Variants in ROBO2 observed in about 807,000 individuals in gnomAD.
The protein encoded by ROBO2 is roundabout homolog 2.
ROBO2 carries 53 observed loss-of-function variants against 160.8 expected under a neutral mutation model. The observed-to-expected ratio is 0.33, with a 90% CI of 0.26 to 0.41. ROBO2 has a LOEUF of 0.41. Ranked by LOEUF, ROBO2 falls within the 10% of genes least tolerant of loss-of-function variation. The pLI is 1.00. For missense variants in ROBO2, 1,577 were observed against 1,722.4 expected (o/e 0.92, Z 1.49); for synonymous variants, 664 against 611.7 (o/e 1.09, Z -1.26).
chr3:77,022,698 G>A lies in ROBO2; in HGVS notation c.110-75316G>A, dbSNP rs140375195. Among the ~76,000 whole-genome samples, 39 of 152,188 alleles carry A rather than the reference G, an allele frequency of 2.6e-4. No individual in the cohort carries two copies. The East Asian group carries it at 3.9e-3, about 15-fold the overall frequency. ...ATGTCTTTTTCATAGGAGTGTTAGC[G>A]TTGACACTCATGATGGGTAAGGAAA... On this transcript the variant is annotated intron_variant, in intron 2 of 26. Coordinates refer to the ROBO2 transcript ENST00000487694.
chr3:76,937,717 T>G (rs1359352870), intron 2 of ROBO2, among the ~76,000 whole-genome samples: 1 of 152,160 alleles, frequency 6.6e-6, no homozygotes, highest in Admixed American at 6.5e-5. Flanking sequence ...AACCTAAGCA[T>G]TTTTAGACAT....
intron 1 of ROBO2, among the ~76,000 whole-genome samples, chr3:77,056,553 T>G (rs530920003): frequency 1.3e-5 from 2 of 152,210 alleles, no homozygotes; most frequent in East Asian, 3.9e-4. Context: ...TGTGGGCAAT[T>G]CAAAAAAATT....
At chr3:76,631,478 G>A (rs1235412191) in intron 2 of ROBO2, among the ~76,000 whole-genome samples, 1 of 151,690 alleles carries the variant, frequency 6.6e-6, no homozygotes, top group Non-Finnish European at 1.5e-5. Flanking sequence ...GGCACAATAA[G>A]CACACAGCAT....
chr3:76,072,603 T>C (rs1370581929), intron 2 of ROBO2, among the ~76,000 whole-genome samples: 1 of 152,152 alleles, frequency 6.6e-6, no homozygotes, highest in African/African-American at 2.4e-5. Context: ...ACTCCTCTTG[T>C]ATCAGCACAC....
At chr3:76,174,280 T>A (rs1402293294) in intron 2 of ROBO2, among the ~76,000 whole-genome samples, 3 of 152,186 alleles carry the variant, frequency 2.0e-5, no homozygotes, top group Non-Finnish European at 2.9e-5. Context: ...GTCAGATGGA[T>A]CTGTTGCAAA....
intron 2 of ROBO2, among the ~76,000 whole-genome samples, chr3:76,802,886 C>T (rs2064335165): frequency 6.6e-6 from 1 of 152,104 alleles, no homozygotes. Context: ...GAGTGAAGCC[C>T]AAGGACAAAT....
intron 2 of ROBO2, among the ~76,000 whole-genome samples, chr3:76,782,803 T>G (rs907861100): frequency 6.6e-6 from 1 of 150,594 alleles, no homozygotes; most frequent in Non-Finnish European, 1.5e-5. Context: ...TAGAATCTCG[T>G]TTTTTTATCC....
intron 2 of ROBO2, among the ~76,000 whole-genome samples, chr3:75,939,848 A>G (rs1947962567): frequency 1.3e-5 from 2 of 152,150 alleles, no homozygotes; most frequent in African/African-American, 4.8e-5. Flanking sequence ...TTAAAATACA[A>G]ATCTCATAGC....
intron 2 of ROBO2, among the ~76,000 whole-genome samples, chr3:77,212,079 A>G (rs2084252758): frequency 6.6e-6 from 1 of 152,098 alleles, no homozygotes; most frequent in Non-Finnish European, 1.5e-5. Flanking sequence ...GTTCCATATG[A>G]GCTTGAAAGT....
At chr3:76,796,641 T>A (rs1301053085) in intron 2 of ROBO2, among the ~76,000 whole-genome samples, 2 of 151,946 alleles carry the variant, frequency 1.3e-5, no homozygotes, top group East Asian at 3.9e-4. Context: ...CACTCTCCAA[T>A]CAAAAGACAT....
chr3:76,887,145 T>G (rs13081950), intron 2 of ROBO2, among the ~76,000 whole-genome samples: 4,172 of 151,878 alleles, frequency 0.027, 99 homozygotes, highest in Non-Finnish European at 0.042. Context: ...TATTTTGTTA[T>G]TTGCTTTTTA....
intron 2 of ROBO2, among the ~76,000 whole-genome samples, chr3:76,312,710 G>A (rs2071682830): frequency 6.6e-6 from 1 of 152,182 alleles, no homozygotes; most frequent in South Asian, 2.1e-4. Context: ...TGGTGTTATT[G>A]ATGTCAGGAG....
chr3:76,168,027 A>C (rs937757401), intron 2 of ROBO2, among the ~76,000 whole-genome samples: 2 of 152,214 alleles, frequency 1.3e-5, no homozygotes, highest in African/African-American at 4.8e-5. Context: ...TAGATGATCC[A>C]GTCAACCTTG....
At chr3:76,202,177 T>G (rs2107260016) in intron 2 of ROBO2, among the ~76,000 whole-genome samples, 1 of 152,310 alleles carries the variant, frequency 6.6e-6, no homozygotes, top group South Asian at 2.1e-4. Context: ...CGTGTTATGC[T>G]TCACTTGGCA....
chr3:75,973,593 G>C (rs2065053225), intron 2 of ROBO2, among the ~76,000 whole-genome samples: 1 of 151,504 alleles, frequency 6.6e-6, no homozygotes, highest in African/African-American at 2.4e-5. Context: ...ACCTGAATAT[G>C]AACATAAAGG....
At chr3:76,730,950 ACCCGC>A (rs1342924023) in intron 2 of ROBO2, among the ~76,000 whole-genome samples, 3 of 26,864 alleles carry the variant, frequency 1.1e-4, no homozygotes, top group African/African-American at 6.0e-4. Flanking sequence ...CCTACTCCCT[ACCCGC>A]TTCTCCTCAC....
chr3:76,227,069 A>G lies in ROBO2; in HGVS notation c.109+289467A>G, dbSNP rs147354528. 5.4e-3 allele frequency among the ~76,000 whole-genome samples: 828 copies of G among 152,300 alleles called. 6 individuals carry two copies. Among genetic ancestry groups the G allele is most frequent in the Non-Finnish European group, 9.0e-3 (612 of 68,022 alleles). On this transcript the variant is annotated intron_variant, in intron 2 of 26. Transcript: ENST00000487694. ...TTTCTTTCAAATTTAGTGTCCAACA[A>G]TTTTGCCGACTGGCTCACTACAGTG...
intron 2 of ROBO2, among the ~76,000 whole-genome samples, chr3:76,097,208 A>G (rs751512194): frequency 1.4e-4 from 21 of 152,146 alleles, no homozygotes; most frequent in Non-Finnish European, 2.9e-4. Context: ...TGCCAACCCT[A>G]TGTGCTGCAG....
At chr3:76,633,820 A>G (rs896675715) in intron 2 of ROBO2, among the ~76,000 whole-genome samples, 30 of 152,218 alleles carry the variant, frequency 2.0e-4, no homozygotes, top group African/African-American at 7.2e-5. Flanking sequence ...CAACCAGCTA[A>G]TAAGTAGCAG....
Sources: allele counts gnomAD v4.1 joint callset (sites outside exome capture counted in the v4.1 genomes callset), GRCh38; gene constraint gnomAD v4.1.1; transcripts MANE v1.5; gene names NCBI Gene and HGNC (gene_info 2026-07-23, HGNC 2026-07-21).